The following WWOX variants were observed in gnomAD, a reference collection of about 807,000 sequenced individuals.
WWOX encodes the protein WW domain containing oxidoreductase, also known as WW domain-containing oxidoreductase.
Under a neutral mutation model 46.2 loss-of-function variants are expected in WWOX, and 69 were observed. The ratio of observed to expected loss-of-function variants is 1.49; its 90% CI spans 1.23 to 1.82. The LOEUF (loss-of-function observed/expected upper bound fraction) is 1.82, where lower values mean the gene tolerates loss of function less well. WWOX is among the 40% of genes most tolerant of loss of function. The pLI is 0.00. For synonymous variants in WWOX, 359 were observed against 202.6 expected (o/e 1.77, Z -6.56); for missense variants, 919 against 542.6 (o/e 1.69, Z -6.89).
At chr16:79,027,633 T>C (rs1250881763) in intron 8 of WWOX, among the ~76,000 whole-genome samples, 1 of 151,920 alleles carries the variant, frequency 6.6e-6, no homozygotes, top group Middle Eastern at 3.2e-3. Context: ...CTATCGTGAA[T>C]TCGGTCATTG....
intron 8 of WWOX, among the ~76,000 whole-genome samples, chr16:79,210,451 G>C (rs2051688452): frequency 6.6e-6 from 1 of 152,140 alleles, no homozygotes; most frequent in East Asian, 1.9e-4. Context: ...GCAGAAAAAT[G>C]ATAAGCTTTG....
At chr16:78,267,967 GC>G in intron 5 of WWOX, among the ~76,000 whole-genome samples, 1 of 151,864 alleles carries the variant, frequency 6.6e-6, no homozygotes, top group South Asian at 2.1e-4. Context: ...ATAGGTGCGT[GC>G]CCCCACGCCT....
In WWOX at chr16:79,082,575, C is replaced by G. The variant is rs2048780575; in HGVS notation, c.1057-129033C>G. On this transcript the variant is annotated intron_variant, in intron 8 of 8. Coordinates refer to ENST00000566780, the MANE Select transcript of WWOX (RefSeq NM_016373.4). ...GGGTTGATCATTGTGGTTCATATCA[C>G]TGTTTCATGAAACACAGCCCGCCAG... 3.3e-5 allele frequency among the ~76,000 whole-genome samples: 5 copies of G among 152,186 alleles called. No homozygotes were observed. In the South Asian group the frequency reaches 1.0e-3, roughly 32 times the overall value.
chr16:78,550,676 A>G (rs2044152259), intron 8 of WWOX: 1 of 152,186 alleles, frequency 6.6e-6, no homozygotes, highest in African/African-American at 2.4e-5. Flanking sequence ...TTCTTGTCAA[A>G]TATCTTACTC....
chr16:79,047,966 G>A (rs142234111), intron 8 of WWOX, among the ~76,000 whole-genome samples: 1 of 152,046 alleles, frequency 6.6e-6, no homozygotes, highest in African/African-American at 2.4e-5. Context: ...AGGAGTTGCA[G>A]GAAGGAGAAT....
At chr16:79,162,057 C>T (rs142672297) in intron 8 of WWOX, among the ~76,000 whole-genome samples, 90 of 152,262 alleles carry the variant, frequency 5.9e-4, no homozygotes, top group African/African-American at 2.0e-3. Flanking sequence ...CTTGAAGTTA[C>T]GGGTAGTTAT....
At chr16:78,749,210 A>G (rs536086378) in intron 8 of WWOX, among the ~76,000 whole-genome samples, 1 of 152,296 alleles carries the variant, frequency 6.6e-6, no homozygotes, top group African/African-American at 2.4e-5. Context: ...TGCATCACAC[A>G]CAGACTACTG....
At chr16:78,638,227 A>G (rs1245587042) in intron 8 of WWOX, among the ~76,000 whole-genome samples, 1 of 152,214 alleles carries the variant, frequency 6.6e-6, no homozygotes, top group South Asian at 2.1e-4. Context: ...AGACAAGCCA[A>G]CGAAGGCTTG....
intron 4 of WWOX, among the ~76,000 whole-genome samples, chr16:78,143,404 C>G (rs371295856): frequency 1.3e-5 from 2 of 152,094 alleles, no homozygotes; most frequent in Admixed American, 1.3e-4. Flanking sequence ...AGGATATTGT[C>G]TATTCGAAGG....
intron 8 of WWOX, among the ~76,000 whole-genome samples, chr16:78,882,405 C>A (rs1044251488): frequency 6.6e-6 from 1 of 152,118 alleles, no homozygotes; most frequent in East Asian, 1.9e-4. Context: ...TATTTTATTA[C>A]CTGTGCCTCC....
chr16:78,921,177 C>A (rs1050319281), intron 8 of WWOX, among the ~76,000 whole-genome samples: 2 of 151,800 alleles, frequency 1.3e-5, no homozygotes, highest in African/African-American at 4.8e-5. Flanking sequence ...TTTTCAAACA[C>A]TGTAATGAGG....
chr16:79,112,498 C>A (rs59978333), intron 8 of WWOX, among the ~76,000 whole-genome samples: 2 of 152,148 alleles, frequency 1.3e-5, no homozygotes, highest in Admixed American at 6.5e-5. Context: ...CTCCTTCCCC[C>A]ACCCTGCGAG....
chr16:78,382,027 T>A (rs1308818042), intron 5 of WWOX, among the ~76,000 whole-genome samples: 2 of 152,180 alleles, frequency 1.3e-5, no homozygotes, highest in Admixed American at 1.3e-4. Context: ...CAGCCAGTTA[T>A]ATTTTAGATG....
chr16:79,070,556 C>G (rs1022325453), intron 8 of WWOX, among the ~76,000 whole-genome samples: 1 of 152,122 alleles, frequency 6.6e-6, no homozygotes, highest in Admixed American at 6.5e-5. Context: ...AGCTCCTTGG[C>G]AATGAGTGAG....
At chr16:78,913,572 A>G (rs928927714) in intron 8 of WWOX, among the ~76,000 whole-genome samples, 1 of 151,974 alleles carries the variant, frequency 6.6e-6, no homozygotes, top group African/African-American at 2.4e-5. Context: ...GAAATACAGA[A>G]CTAGTTTTGG....
intron 8 of WWOX, among the ~76,000 whole-genome samples, chr16:79,130,362 A>C (rs1409026358): frequency 6.6e-6 from 1 of 152,238 alleles, no homozygotes; most frequent in African/African-American, 2.4e-5. Context: ...GATGATTAAT[A>C]CAACTAATAA....
chr16:79,126,864 A>C (rs1384799646), intron 8 of WWOX, among the ~76,000 whole-genome samples: 1 of 152,186 alleles, frequency 6.6e-6, no homozygotes, highest in South Asian at 2.1e-4. Flanking sequence ...ATTGTGCTCA[A>C]AGCTGAATTT....
At chr16:78,599,883 C>T (rs2045580180) in intron 8 of WWOX, among the ~76,000 whole-genome samples, 1 of 152,084 alleles carries the variant, frequency 6.6e-6, no homozygotes, top group East Asian at 1.9e-4. Flanking sequence ...GTGGGTCAAC[C>T]ACCGCATTTC....
rs547877580 is a variant in WWOX, at chr16:78,212,791, A to G, written c.516+48502A>G. Among the ~76,000 whole-genome samples, 8 of 152,312 alleles carry G rather than the reference A, an allele frequency of 5.3e-5. No homozygotes were observed. In the East Asian group the frequency reaches 1.5e-3, roughly 29 times the overall value. ...TAAAAGCCAACCTCTTGAGAAAGAC[A>G]TGGAACACAGGATGGAACTTGAACT... is the stretch of plus-strand genomic sequence containing the variant. On this transcript the variant is annotated intron_variant, in intron 5 of 8. Transcript: ENST00000566780.
Sources: allele counts gnomAD v4.1 joint callset (sites outside exome capture counted in the v4.1 genomes callset), GRCh38; gene constraint gnomAD v4.1.1; transcripts MANE v1.5; gene names NCBI Gene and HGNC (gene_info 2026-07-23, HGNC 2026-07-21).